ERBB4: variants seen among roughly 807,000 people sequenced by gnomAD.
The protein encoded by ERBB4 is receptor tyrosine-protein kinase erbB-4.
Under a neutral mutation model 158.0 loss-of-function variants are expected in ERBB4, and 42 were observed. The observed-to-expected ratio is 0.27, with a 90% confidence interval of 0.21 to 0.34. The LOEUF (loss-of-function observed/expected upper bound fraction) is 0.34. ERBB4 is among the 10% of genes least tolerant of loss of function. The pLI, the probability that ERBB4 is intolerant of heterozygous loss-of-function variation, is 1.00. For missense variants in ERBB4, 1,333 were observed against 1,624.1 expected, an observed-to-expected ratio of 0.82 and a Z score of 3.08; for synonymous variants, 583 against 558.7, an observed-to-expected ratio of 1.04 and a Z score of -0.61.
At chr2:212,462,868 GATAA>G (rs1052209694) in intron 1 of ERBB4, among the ~76,000 whole-genome samples, 7 of 151,888 alleles carry the variant, frequency 4.6e-5, no homozygotes, top group Admixed American at 1.3e-4. Flanking sequence ...TCTATTAACA[GATAA>G]ATAAATAAAG....
At chr2:211,744,024 T>C (rs540890349) in intron 5 of ERBB4, among the ~76,000 whole-genome samples, 1 of 152,286 alleles carries the variant, frequency 6.6e-6, no homozygotes, top group South Asian at 2.1e-4. Context: ...GGGGAACACT[T>C]GGTTAGATTT....
chr2:212,366,692 C>T (rs754266984), intron 1 of ERBB4, among the ~76,000 whole-genome samples: 4 of 151,988 alleles, frequency 2.6e-5, no homozygotes, highest in Non-Finnish European at 2.9e-5. Flanking sequence ...CTTGATACTA[C>T]ATTTTGAATA....
chr2:212,493,168 T>C (rs1391456080), intron 1 of ERBB4, among the ~76,000 whole-genome samples: 1 of 151,474 alleles, frequency 6.6e-6, no homozygotes, highest in Non-Finnish European at 1.5e-5. Context: ...AAAGGCTAAA[T>C]TTTATGCTTA....
chr2:211,846,941 T>A (rs1436111044), intron 3 of ERBB4, among the ~76,000 whole-genome samples: 1 of 152,140 alleles, frequency 6.6e-6, no homozygotes, highest in Non-Finnish European at 1.5e-5. Context: ...TTTGAAACAG[T>A]TGAGTGCTTC....
At chr2:212,047,732 C>T (rs1337338204) in intron 2 of ERBB4, among the ~76,000 whole-genome samples, 1 of 151,700 alleles carries the variant, frequency 6.6e-6, no homozygotes, top group Non-Finnish European at 1.5e-5. Flanking sequence ...AATCCACCCA[C>T]CTCAGCCTCC....
At chr2:212,122,012 T>C (rs2079764943) in intron 2 of ERBB4, among the ~76,000 whole-genome samples, 1 of 151,352 alleles carries the variant, frequency 6.6e-6, no homozygotes, top group South Asian at 2.1e-4. Context: ...TCTGGGTTCT[T>C]ATTTGTGTCT....
At chr2:211,459,595 G>T (rs1477691826) in intron 20 of ERBB4, among the ~76,000 whole-genome samples, 1 of 152,122 alleles carries the variant, frequency 6.6e-6, no homozygotes, top group Non-Finnish European at 1.5e-5. Flanking sequence ...ATCTCACGAG[G>T]TCTGATGGTT....
intron 3 of ERBB4, among the ~76,000 whole-genome samples, chr2:211,831,176 T>G (rs529275303): frequency 6.6e-6 from 1 of 152,194 alleles, no homozygotes; most frequent in Non-Finnish European, 1.5e-5. Context: ...AATGTTTCAG[T>G]TCTTGTAAGA....
intron 27 of ERBB4, among the ~76,000 whole-genome samples, chr2:211,385,468 T>C (rs1381883682): frequency 6.6e-6 from 1 of 152,056 alleles, no homozygotes; most frequent in South Asian, 2.1e-4. Flanking sequence ...CCTGCAGGAG[T>C]TGGGTGAACT....
intron 1 of ERBB4, among the ~76,000 whole-genome samples, chr2:212,319,652 T>C (rs1160158420): frequency 6.7e-6 from 1 of 150,266 alleles, no homozygotes; most frequent in East Asian, 2.0e-4. Flanking sequence ...TGCATATAAG[T>C]ATATTTTTAT....
At chr2:211,979,710 T>G (rs1334045146) in intron 2 of ERBB4, among the ~76,000 whole-genome samples, 1 of 152,168 alleles carries the variant, frequency 6.6e-6, no homozygotes, top group African/African-American at 2.4e-5. Context: ...TTCAGTGAAA[T>G]GTTTAATCAT....
chr2:211,514,213 A>G (rs1248609500), intron 20 of ERBB4, among the ~76,000 whole-genome samples: 1 of 152,052 alleles, frequency 6.6e-6, no homozygotes, highest in East Asian at 1.9e-4. Flanking sequence ...TGGCTCCCAC[A>G]TATTAGAGCG....
At chr2:212,241,917 A>G (rs1361763080) in intron 1 of ERBB4, among the ~76,000 whole-genome samples, 1 of 152,114 alleles carries the variant, frequency 6.6e-6, no homozygotes, top group Non-Finnish European at 1.5e-5. Context: ...TAAGTAATAA[A>G]GGCTAAACAT....
At chr2:212,445,603 T>A (rs986447811) in intron 1 of ERBB4, among the ~76,000 whole-genome samples, 5 of 152,026 alleles carry the variant, frequency 3.3e-5, no homozygotes, top group African/African-American at 1.2e-4. Context: ...ATAATGGAGG[T>A]AAGGAAGCAT....
At chr2:212,195,705 G>A (rs567304506) in intron 1 of ERBB4, among the ~76,000 whole-genome samples, 1 of 151,956 alleles carries the variant, frequency 6.6e-6, no homozygotes, top group South Asian at 2.1e-4. Flanking sequence ...CAAAAACATG[G>A]CTTACCATAT....
rs1021305469 is a variant in ERBB4 at position 211,848,300 on chromosome 2, A to G, written c.422-60141T>C. On this transcript the variant is annotated intron_variant, in intron 3 of 27. Coordinates refer to ENST00000342788, the MANE Select transcript of ERBB4 (RefSeq NM_005235.3). ...CACATCCAGACACAGCATAGCCTGT[A>G]TGACACAGAAAGAAATAAAAACAAA... 1.0e-3 allele frequency among the ~76,000 whole-genome samples: 156 copies of G among 152,210 alleles called. 1 individual carries two copies. The highest frequency in any genetic ancestry group is 5.8e-4 in the East Asian group (3 of 5,174).
intron 2 of ERBB4, among the ~76,000 whole-genome samples, chr2:212,094,330 G>A (rs2078865761): frequency 6.7e-6 from 1 of 149,262 alleles, no homozygotes; most frequent in Non-Finnish European, 1.5e-5. Context: ...GAATACAAAG[G>A]TACAAAGCTC....
At chr2:211,843,860 T>C (rs976411636) in intron 3 of ERBB4, among the ~76,000 whole-genome samples, 2 of 152,100 alleles carry the variant, frequency 1.3e-5, no homozygotes, top group Non-Finnish European at 2.9e-5. Flanking sequence ...GGTTTGACAA[T>C]ATTTATAAGA....
intron 1 of ERBB4, among the ~76,000 whole-genome samples, chr2:212,144,647 T>C (rs914136089): frequency 2.6e-5 from 4 of 152,222 alleles, no homozygotes; most frequent in African/African-American, 7.2e-5. Context: ...ATTTGCAAAG[T>C]TGTTTTATTC....
Sources: gnomAD v4.1 joint callset for allele counts (sites outside exome capture counted in the v4.1 genomes callset) on GRCh38, gnomAD v4.1.1 for gene constraint, MANE v1.5 for transcripts, NCBI Gene and HGNC (gene_info 2026-07-23, HGNC 2026-07-21) for gene names.